Variants in MFHAS1 observed in about 807,000 individuals in gnomAD.
The protein encoded by MFHAS1 is multifunctional ROCO family signaling regulator 1, also known as malignant fibrous histiocytoma-amplified sequence 1.
Under a neutral mutation model 70.4 loss-of-function variants are expected in MFHAS1, and 50 were observed. That is an observed-to-expected ratio of 0.71 (90% CI 0.57 to 0.90). The LOEUF (loss-of-function observed/expected upper bound fraction) is 0.90. MFHAS1 is among the 40% of genes least tolerant of loss of function. The pLI is 0.00. For missense variants in MFHAS1, 1,795 were observed against 1,347.6 expected (o/e 1.33, Z -5.20); for synonymous variants, 952 against 620.0 (o/e 1.54, Z -7.96).
chr8:8,814,944 C>A (rs981268352), intron 1 of MFHAS1, among the ~76,000 whole-genome samples: 2 of 150,002 alleles, frequency 1.3e-5, no homozygotes, highest in African/African-American at 4.9e-5. Flanking sequence ...TGGGAGTTTG[C>A]TGCATAGATC....
intron 1 of MFHAS1, among the ~76,000 whole-genome samples, chr8:8,832,076 A>ACACG (rs1291231974): frequency 6.6e-6 from 1 of 151,764 alleles, no homozygotes; most frequent in Non-Finnish European, 1.5e-5. Context: ...ACACACACAC[A>ACACG]CACACACACA....
chr8:8,811,340 C>T (rs1053197588), intron 1 of MFHAS1, among the ~76,000 whole-genome samples: 6 of 151,214 alleles, frequency 4.0e-5, no homozygotes, highest in African/African-American at 1.2e-4. Context: ...TAGGGTCTTG[C>T]GCTGTCACCC....
intron 1 of MFHAS1, among the ~76,000 whole-genome samples, chr8:8,855,477 C>G (rs774451590): frequency 2.6e-5 from 4 of 152,246 alleles, no homozygotes; most frequent in Non-Finnish European, 5.9e-5. Flanking sequence ...TGTCTCCATC[C>G]TGCACAATGA....
At chr8:8,817,779 C>T (rs866969928) in intron 1 of MFHAS1, among the ~76,000 whole-genome samples, 2 of 152,206 alleles carry the variant, frequency 1.3e-5, no homozygotes, top group South Asian at 2.1e-4. Flanking sequence ...AAGGAGTGCA[C>T]GGATCCCTAG....
chr8:8,843,788 G>T (rs1188977454), intron 1 of MFHAS1, among the ~76,000 whole-genome samples: 1 of 152,128 alleles, frequency 6.6e-6, no homozygotes, highest in East Asian at 1.9e-4. Flanking sequence ...TATCTTACAG[G>T]CTGGAAAAGG....
intron 1 of MFHAS1, among the ~76,000 whole-genome samples, chr8:8,863,814 G>A (rs1315246329): frequency 6.6e-6 from 1 of 152,062 alleles, no homozygotes. Context: ...GACCCACCCT[G>A]TCTTAAAACT....
At chr8:8,844,854 T>G (rs545172388) in intron 1 of MFHAS1, among the ~76,000 whole-genome samples, 105 of 152,316 alleles carry the variant, frequency 6.9e-4, no homozygotes, top group African/African-American at 2.4e-3. Flanking sequence ...ACTGGCCAAA[T>G]AAGCAAATTT....
At chr8:8,806,458 C>T (rs1283918235) in intron 1 of MFHAS1, among the ~76,000 whole-genome samples, 2 of 152,182 alleles carry the variant, frequency 1.3e-5, no homozygotes, top group Non-Finnish European at 2.9e-5. Flanking sequence ...GAAGCTGAGT[C>T]ACCTACTAAG....
At chr8:8,819,608 C>CAAAAAAAA (rs201326485) in intron 1 of MFHAS1, among the ~76,000 whole-genome samples, 107 of 90,818 alleles carry the variant, frequency 1.2e-3, no homozygotes, top group Non-Finnish European at 2.0e-3. Flanking sequence ...CAACTCAAAA[C>CAAAAAAAA]AAAAAAAAAA....
chr8:8,802,470 A>T (rs891052706), intron 1 of MFHAS1, among the ~76,000 whole-genome samples: 1 of 152,250 alleles, frequency 6.6e-6, no homozygotes, highest in African/African-American at 2.4e-5. Context: ...ATACAAGCGC[A>T]TGTGAGGACA....
intron 1 of MFHAS1, among the ~76,000 whole-genome samples, chr8:8,846,872 T>C (rs1808056801): frequency 6.6e-6 from 1 of 152,124 alleles, no homozygotes; most frequent in Admixed American, 6.5e-5. Context: ...GTAAAACCCA[T>C]AAAAACAATG....
At chr8:8,791,415 G>A (rs903121676) in intron 2 of MFHAS1, among the ~76,000 whole-genome samples, 4 of 152,100 alleles carry the variant, frequency 2.6e-5, no homozygotes, top group African/African-American at 9.7e-5. Flanking sequence ...GAATTTGCTT[G>A]GTCTTTTACC....
At chr8:8,828,965 C>T (rs1206059977) in intron 1 of MFHAS1, among the ~76,000 whole-genome samples, 6 of 152,110 alleles carry the variant, frequency 3.9e-5, no homozygotes, top group East Asian at 1.9e-4. Context: ...CTCCCTCTTC[C>T]GGCCCGTTAC....
At chr8:8,859,157 A>G (rs1585056171) in intron 1 of MFHAS1, among the ~76,000 whole-genome samples, 1 of 152,354 alleles carries the variant, frequency 6.6e-6, no homozygotes, top group East Asian at 1.9e-4. Context: ...GTTCGAGACC[A>G]GCCTGGCCAA....
intron 1 of MFHAS1, among the ~76,000 whole-genome samples, chr8:8,839,894 G>C (rs1278920311): frequency 1.3e-5 from 2 of 152,006 alleles, no homozygotes; most frequent in African/African-American, 2.4e-5. Context: ...TCTCAGATGA[G>C]TATTTCCAGA....
chr8:8,890,707 C>G lies in MFHAS1; in HGVS notation c.2352G>C (p.Gln784His). Residue 784 changes from glutamine (Q) to histidine (H), a missense_variant, in exon 1 of 3, where the codon CAG (glutamine) becomes CAC (histidine). Transcript: ENST00000276282. ...TPSQELLRAT[Q>H]LHQYVEGFLL... ...GAAAGCCCTCCACATACTGATGGAG[C>G]TGGGTGGCCCGGAGCAGTTCCTGGC... 6.2e-7 allele frequency: 1 copy of G among 1,613,598 alleles called. No homozygotes were observed. The highest frequency in any genetic ancestry group is 8.5e-7 in the Non-Finnish European group (1 of 1,179,724).
At chr8:8,863,576 T>C (rs1346705508) in intron 1 of MFHAS1, among the ~76,000 whole-genome samples, 11 of 152,174 alleles carry the variant, frequency 7.2e-5, no homozygotes, top group Admixed American at 7.2e-4. Context: ...CTCTAGTCCT[T>C]AGATTTTTCC....
chr8:8,842,280 G>A (rs1256818903), intron 1 of MFHAS1, among the ~76,000 whole-genome samples: 1 of 152,016 alleles, frequency 6.6e-6, no homozygotes, highest in Non-Finnish European at 1.5e-5. Flanking sequence ...CTGCCTCCCA[G>A]GTTCAAGCGA....
intron 1 of MFHAS1, among the ~76,000 whole-genome samples, chr8:8,802,039 A>C (rs1335256418): frequency 6.6e-6 from 1 of 152,202 alleles, no homozygotes; most frequent in Non-Finnish European, 1.5e-5. Context: ...CAAACTGCAA[A>C]ATAAGCCTAA....
Sources: gnomAD v4.1 joint callset for allele counts (sites outside exome capture counted in the v4.1 genomes callset) on GRCh38, gnomAD v4.1.1 for gene constraint, MANE v1.5 for transcripts, NCBI Gene and HGNC (gene_info 2026-07-23, HGNC 2026-07-21) for gene names.